The following ZNF347 variants were observed in gnomAD, a reference collection of about 807,000 sequenced individuals.
The protein encoded by ZNF347 is CTD-2620I22.7.
ZNF347 carries 19 observed loss-of-function variants against 12.9 expected under a neutral mutation model. The ratio of observed to expected loss-of-function variants is 1.47; its 90% confidence interval spans 1.03 to 2.16. The LOEUF is 2.16. Ranked by LOEUF, ZNF347 falls within the 30% of genes most tolerant of loss-of-function variation. The probability of loss-of-function intolerance (pLI) is 0.00; values close to 1 mark genes in which losing one functional copy is unlikely to be tolerated. For missense variants in ZNF347, 1,005 were observed against 990.6 expected (o/e 1.01, Z -0.19); for synonymous variants, 328 against 340.6 (o/e 0.96, Z 0.41).
At chr19:53,152,214 G>C (rs1350735386) in intron 2 of ZNF347, among the ~76,000 whole-genome samples, 1 of 151,982 alleles carries the variant, frequency 6.6e-6, no homozygotes, top group Non-Finnish European at 1.5e-5. Context: ...TCCTCATTCA[G>C]AGAAGGCTCC....
At chr19:53,148,899 G>A in intron 3 of ZNF347, 90 bp from the exon 4 acceptor site, 1 of 1,487,130 alleles carries the variant, frequency 6.7e-7, no homozygotes, top group Non-Finnish European at 9.0e-7. Flanking sequence ...CTTTACAGCT[G>A]TATCTAAAAA....
chr19:53,141,065 C>T lies in ZNF347; in HGVS notation c.1763G>A (p.Arg588Gln), dbSNP rs139863350. ...FTQNSHLARH[R>Q]GIHTGEKPYK... ...AGGTTTCTCTCCAGTATGAATTCCCCGATGTCTTGCAAGGTGTGAATTCTG... is the reference window on the plus strand; with the variant it reads ...AGGTTTCTCTCCAGTATGAATTCCCTGATGTCTTGCAAGGTGTGAATTCTG... The change falls in exon 5 of 5, where the codon CGG becomes CAG. Residue 588 changes from arginine (R) to glutamine (Q), a missense_variant. By Grantham distance (43) the Arg-to-Gln change is conservative. Transcript: ENST00000334197. The T allele has an allele frequency of 3.3e-4, 534 of 1,611,596 alleles. 4 individuals are homozygous for T. In the East Asian group the frequency reaches 9.9e-3, roughly 30 times the overall value.
At chr19:53,147,541 T>TAGAG (rs147437816) in intron 4 of ZNF347, among the ~76,000 whole-genome samples, 1 of 150,794 alleles carries the variant, frequency 6.6e-6, no homozygotes. Context: ...CTGGGTGAGA[T>TAGAG]AGAGAGAGAG....
rs1299782446 is a variant in ZNF347 at position 53,142,337 on chromosome 19, G to A, written c.491C>T (p.Thr164Ile). 1 of 1,614,078 alleles carries A rather than the reference G, an allele frequency of 6.2e-7. No homozygotes were observed. The highest frequency in any genetic ancestry group is 8.5e-7 in the Non-Finnish European group (1 of 1,180,008). The change falls in exon 5 of 5, where the codon ACT becomes ATT. Residue 164 changes from threonine (T) to isoleucine (I), a missense_variant. Physicochemically the swap from Thr to Ile is moderately conservative, Grantham distance 89. Transcript: ENST00000334197. ...TTTATCATGTTCATCTCTTCCATGA[G>A]TGAGATTGCCTTCTTGGGTCAAAAG... ...GVLLTQEGNL[T>I]HGRDEHDKRD...
At chr19:53,149,451 C>T in intron 2 of ZNF347, 84 bp from the exon 3 acceptor site, 2 of 1,598,692 alleles carry the variant, frequency 1.3e-6, no homozygotes, top group Non-Finnish European at 1.7e-6. Flanking sequence ...ATAGATTAAA[C>T]TGGAGTAAGT....
At chr19:53,158,971 G>C (rs1421278466) in intron 1 of ZNF347, 38 bp downstream of exon 1, 1 of 152,176 alleles carries the variant, frequency 6.6e-6, no homozygotes, top group Non-Finnish European at 1.5e-5. Flanking sequence ...ACGGGGCACG[G>C]CGGTTCGCAA....
At chr19:53,147,331 C>T (rs1001590215) in intron 4 of ZNF347, among the ~76,000 whole-genome samples, 5 of 152,076 alleles carry the variant, frequency 3.3e-5, no homozygotes, top group South Asian at 2.1e-4. Flanking sequence ...GCCAAGATTA[C>T]GCCACTGCAT....
Position 53,140,733 on chromosome 19 carries a change from G to C in ZNF347, c.2095C>G (p.His699Asp), listed in dbSNP as rs1460844064. Reference protein sequence around the residue: ...AFSQTSKLARHQRVHTGEKPY... With the variant: ...AFSQTSKLARDQRVHTGEKPY... ...TTCTCTCCAGTATGAACTCTCTGAT[G>C]CCTTGCAAGCTTTGATGTTTGACTA... Residue 699 changes from histidine to aspartate, a missense_variant, in exon 5 of 5, where the codon CAT becomes GAT. His to Asp is a moderately conservative substitution (Grantham distance 81). Coordinates refer to ENST00000334197, the MANE Select transcript of ZNF347 (RefSeq NM_032584.3). 6.2e-7 allele frequency: 1 copy of C among 1,612,872 alleles called. No homozygotes were observed. The highest frequency in any genetic ancestry group is 1.7e-5 in the Admixed American group (1 of 59,922).
intron 2 of ZNF347, among the ~76,000 whole-genome samples, chr19:53,152,674 T>C (rs2090506285): frequency 6.6e-6 from 1 of 152,084 alleles, no homozygotes. Flanking sequence ...CTCACGCCTG[T>C]AATCCCAGCA....
At chr19:53,144,311 A>C (rs755930874) in intron 4 of ZNF347, among the ~76,000 whole-genome samples, 1 of 152,182 alleles carries the variant, frequency 6.6e-6, no homozygotes, top group Non-Finnish European at 1.5e-5. Context: ...ACTAGAAATC[A>C]AAAAAGAGCA....
At chr19:53,152,943 TA>T (rs1568643572) in intron 2 of ZNF347, among the ~76,000 whole-genome samples, 1 of 151,836 alleles carries the variant, frequency 6.6e-6, no homozygotes, top group Non-Finnish European at 1.5e-5. Flanking sequence ...AAAAATAAAA[TA>T]AAAATAATAA....
At chr19:53,152,638 T>G (rs955877277) in intron 2 of ZNF347, among the ~76,000 whole-genome samples, 1 of 147,460 alleles carries the variant, frequency 6.8e-6, no homozygotes, top group Non-Finnish European at 1.5e-5. Flanking sequence ...TATTTAATAA[T>G]TGGTAAAACA....
In ZNF347 at chr19:53,148,809, C is replaced by T. The variant is rs752762598; in HGVS notation, c.143G>A (p.Gly48Glu). 1.2e-6 allele frequency: 2 copies of T among 1,612,480 alleles called. No homozygotes were observed. Among genetic ancestry groups the T allele is most frequent in the Non-Finnish European group, 1.7e-6 (2 of 1,179,374 alleles). ...LENYRNLASL[G>E]ISCFDLSIIS... is the part of the protein sequence containing the mutation. ...AATACTGAGGTCAAAACAAGAGATTCCTGCTTATGAAAAGAAAGGAAAACA... is the reference window on the plus strand; with the variant it reads ...AATACTGAGGTCAAAACAAGAGATTTCTGCTTATGAAAAGAAAGGAAAACA... The change falls in exon 4 of 5, where the codon GGA (glycine) becomes GAA (glutamate). Residue 48 changes from glycine (G) to glutamate (E), a missense_variant and splice_region_variant. Gly to Glu is a moderately conservative substitution (Grantham distance 98). Coordinates refer to ENST00000334197, the MANE Select transcript of ZNF347 (RefSeq NM_032584.3).
In ZNF347 at chr19:53,141,072, T is replaced by G. The variant is rs752977741; in HGVS notation, c.1756A>C (p.Arg586=). 2 of 1,613,962 alleles carry G rather than the reference T, an allele frequency of 1.2e-6. No individual in the cohort carries two copies. Among genetic ancestry groups the G allele is most frequent in the African/African-American group, 2.7e-5 (2 of 74,962 alleles). The change falls in exon 5 of 5, where the codon AGA becomes CGA. Residue 586 remains arginine (R), a synonymous_variant. Coordinates refer to ENST00000334197, the MANE Select transcript of ZNF347 (RefSeq NM_032584.3). ...KVFTQNSHLA[R]HRGIHTGEKP... is the part of the protein sequence containing the mutation. ...TCTCCAGTATGAATTCCCCGATGTC[T>G]TGCAAGGTGTGAATTCTGAGTGAAG... is the stretch of plus-strand genomic sequence containing the variant.
Position 53,141,494 on chromosome 19 carries a change from G to A in ZNF347, c.1334C>T (p.Ala445Val), listed in dbSNP as rs1216514618. 6.2e-7 allele frequency: 1 copy of A among 1,613,930 alleles called. No individual in the cohort carries two copies. Among genetic ancestry groups the A allele is most frequent in the Non-Finnish European group, 8.5e-7 (1 of 1,180,034 alleles). ...GKAFGVRSSL[A>V]IHLVIHTGEK... ...TCCGGTGTGAATTACCAGATGAATA[G>A]CTAGGCTTGAACGAACACCAAAGGC... Residue 445 changes from alanine to valine, a missense_variant, in exon 5 of 5, where the codon GCT becomes GTT. Physicochemically the swap from Ala to Val is moderately conservative, Grantham distance 64. Coordinates refer to ENST00000334197, the MANE Select transcript of ZNF347 (RefSeq NM_032584.3).
intron 4 of ZNF347, among the ~76,000 whole-genome samples, chr19:53,147,113 G>A (rs943506347): frequency 4.0e-4 from 61 of 152,188 alleles, no homozygotes; most frequent in African/African-American, 1.4e-3. Context: ...GGTGGCTCAC[G>A]CCTGTAATCC....
At chr19:53,143,925 T>C (rs1054995855) in intron 4 of ZNF347, among the ~76,000 whole-genome samples, 19 of 152,308 alleles carry the variant, frequency 1.2e-4, no homozygotes, top group Non-Finnish European at 2.4e-4. Context: ...CCATTCTAAC[T>C]GGTGTGAGAC....
At chr19:53,149,410 C>T (rs1332734452) in intron 2 of ZNF347, 43 bp from the exon 3 acceptor site, 2 of 1,611,086 alleles carry the variant, frequency 1.2e-6, no homozygotes, top group South Asian at 2.2e-5. Context: ...TAAGGAAAAG[C>T]TCCAATCTTC....
intron 1 of ZNF347, among the ~76,000 whole-genome samples, chr19:53,154,794 A>G (rs1348874665): frequency 1.3e-5 from 2 of 152,032 alleles, no homozygotes; most frequent in Non-Finnish European, 2.9e-5. Context: ...TGGGTATGAG[A>G]GCTTGATTCA....
Sources: gnomAD v4.1 joint callset for allele counts (sites outside exome capture counted in the v4.1 genomes callset) on GRCh38, gnomAD v4.1.1 for gene constraint, MANE v1.5 for transcripts, NCBI Gene and HGNC (gene_info 2026-07-23, HGNC 2026-07-21) for gene names.